The following FLNB variants were observed in gnomAD, a reference collection of about 807,000 sequenced individuals.
The protein encoded by FLNB is filamin B.
FLNB carries 111 observed loss-of-function variants against 250.6 expected under a neutral mutation model. The observed-to-expected ratio is 0.44, with a 90% CI of 0.38 to 0.52. The LOEUF (loss-of-function observed/expected upper bound fraction) is 0.52. FLNB is among the 20% of genes least tolerant of loss of function. FLNB has a pLI of 0.00. For missense variants in FLNB, 2,869 were observed against 3,447.8 expected, an observed-to-expected ratio of 0.83 and a Z score of 4.20; for synonymous variants, 1,302 against 1,372.1, an observed-to-expected ratio of 0.95 and a Z score of 1.13.
At chr3:58,011,202 G>T (rs839245) in intron 1 of FLNB, among the ~76,000 whole-genome samples, 1 of 151,894 alleles carries the variant, frequency 6.6e-6, no homozygotes, top group African/African-American at 2.4e-5. Flanking sequence ...CTGAGCCACC[G>T]CGCCCAGCCC....
intron 18 of FLNB, among the ~76,000 whole-genome samples, chr3:58,116,872 A>G (rs1356767941): frequency 1.3e-5 from 2 of 152,090 alleles, no homozygotes; most frequent in Non-Finnish European, 2.9e-5. Flanking sequence ...GGACCACTCC[A>G]TGTAGTACTC....
chr3:58,022,052 C>A (rs1276724299), intron 1 of FLNB, among the ~76,000 whole-genome samples: 1 of 152,156 alleles, frequency 6.6e-6, no homozygotes, highest in African/African-American at 2.4e-5. Flanking sequence ...GGATTACAGG[C>A]ATGAGCCACC....
chr3:58,013,131 A>G (rs944852544), intron 1 of FLNB, among the ~76,000 whole-genome samples: 1 of 152,126 alleles, frequency 6.6e-6, no homozygotes, highest in African/African-American at 2.4e-5. Context: ...TTTTCCAAAA[A>G]CCTTTCTGAC....
chr3:58,068,768 G>T (rs779467375), intron 1 of FLNB, among the ~76,000 whole-genome samples: 8 of 151,968 alleles, frequency 5.3e-5, no homozygotes, highest in Non-Finnish European at 7.4e-5. Flanking sequence ...GCTCTTCACA[G>T]GCTGCTGCTG....
At chr3:58,048,473 G>A (rs942436182) in intron 1 of FLNB, among the ~76,000 whole-genome samples, 2 of 152,208 alleles carry the variant, frequency 1.3e-5, no homozygotes, top group Non-Finnish European at 2.9e-5. Context: ...TTAAATTCAA[G>A]TTGAATATTT....
rs557563288 is a variant in FLNB, at chr3:58,157,829, G to C, written c.6889-1725G>C. Among the ~76,000 whole-genome samples the C allele has an allele frequency of 3.9e-5, 6 of 152,360 alleles. No individual in the cohort carries two copies. The South Asian group carries it at 1.2e-3, about 32-fold the overall frequency. On this transcript the variant is annotated intron_variant, in intron 41 of 45. Transcript: ENST00000295956. Reference sequence around the variant, plus strand: ...ATCCCCTCCAGGAAACTTCTGTAGAGTGCTCTCGTCATAGCTGGGTCATAA... The same window carrying C: ...ATCCCCTCCAGGAAACTTCTGTAGACTGCTCTCGTCATAGCTGGGTCATAA...
In FLNB at chr3:58,105,196, G is replaced by T; in HGVS notation, c.1727G>T (p.Gly576Val). ...RSADFVVESI[G>V]SEVGSLGFAI... ...GCGGACTTCGTGGTAGAATCCATTG[G>T]CTCTGAAGTGGGGTCTCTGGGTAAG... Residue 576 changes from glycine to valine, a missense_variant, in exon 11 of 46, where the codon GGC becomes GTC. Coordinates refer to ENST00000295956, the MANE Select transcript of FLNB (RefSeq NM_001457.4). The T allele has an allele frequency of 6.2e-7, 1 of 1,614,222 alleles. No individual in the cohort carries two copies. The highest frequency in any genetic ancestry group is 8.5e-7 in the Non-Finnish European group (1 of 1,180,034).
chr3:58,106,352 C>CTATATATATA (rs10540627), intron 11 of FLNB, among the ~76,000 whole-genome samples: 1,587 of 132,892 alleles, frequency 0.012, 38 homozygotes, highest in Non-Finnish European at 0.015. Context: ...GTATTTAATA[C>CTATATATATA]TATATATATA....
chr3:58,153,469 C>A lies in FLNB; in HGVS notation c.6462C>A (p.Cys2154Ter), dbSNP rs368087129. The A allele has an allele frequency of 1.2e-6, 2 of 1,614,256 alleles. No individual in the cohort carries two copies. Among genetic ancestry groups the A allele is most frequent in the South Asian group, 2.2e-5 (2 of 91,090 alleles). Residue 2154 changes from cysteine (C) to a stop codon, truncating the protein, a stop_gained, in exon 39 of 46, where the codon TGC (cysteine) becomes TGA (stop). Transcript: ENST00000295956. LOFTEE classifies it high-confidence loss of function. The part of the protein sequence containing the change: ...EIVPMGKNSH[C>*]VRFVPQEMGV... ...TGCCCATGGGGAAGAACTCACACTG[C>A]GTCCGGTTTGTGCCCCAGGAGATGG...
chr3:58,148,969 A>G (rs193170627), intron 36 of FLNB, 117 bp downstream of exon 36: 405 of 917,872 alleles, frequency 4.4e-4, no homozygotes, highest in Non-Finnish European at 5.9e-4. Flanking sequence ...CCTTCAAGCT[A>G]TAGGTCCTTC....
At chr3:58,129,842 G>A (rs540592455) in intron 24 of FLNB, among the ~76,000 whole-genome samples, 15 of 152,332 alleles carry the variant, frequency 9.8e-5, no homozygotes, top group South Asian at 4.1e-4. Flanking sequence ...GCATGCTGCC[G>A]TTCGCTGGAT....
At chr3:58,120,166 G>T (rs769864851) in intron 19 of FLNB, among the ~76,000 whole-genome samples, 3 of 152,194 alleles carry the variant, frequency 2.0e-5, no homozygotes, top group Non-Finnish European at 4.4e-5. Flanking sequence ...TGCAAGCAAG[G>T]CCAGCTCCCA....
At position 58,149,996 on chromosome 3, in the gene FLNB, G is replaced by A. The variant is rs750044444; in HGVS notation, c.6238G>A (p.Val2080Met). The A allele has an allele frequency of 1.1e-5, 17 of 1,614,270 alleles. No homozygotes were observed. Among genetic ancestry groups the A allele is most frequent in the East Asian group, 2.2e-5 (1 of 44,892 alleles). ...CTCCACCAAATTCGCTGACGAGCAC[G>A]TGCCTGGTATGTGCATTCCATTCCC... ...IVSTKFADEHVPGSPFTVKIS... is the reference protein window; with the variant it reads ...IVSTKFADEHMPGSPFTVKIS... Residue 2080 changes from valine (V) to methionine (M), a missense_variant, in exon 37 of 46, where the codon GTG (valine) becomes ATG (methionine). Transcript: ENST00000295956.
intron 8 of FLNB, among the ~76,000 whole-genome samples, chr3:58,099,915 A>G (rs368895372): frequency 1.7e-4 from 26 of 152,282 alleles, no homozygotes; most frequent in African/African-American, 6.3e-4. Context: ...GCTTTTTTAG[A>G]TGGTGAAGGA....
chr3:58,125,330 G>T (rs922526993), intron 22 of FLNB, among the ~76,000 whole-genome samples: 8 of 151,852 alleles, frequency 5.3e-5, no homozygotes. Flanking sequence ...ATGGGGTCTC[G>T]CCATGTTGCC....
Position 58,130,777 on chromosome 3 carries a change from A to G in FLNB, c.4259A>G (p.Asp1420Gly). Residue 1420 changes from aspartate to glycine, a missense_variant, in exon 25 of 46, where the codon GAC (aspartate) becomes GGC (glycine). Asp to Gly is a moderately conservative substitution (Grantham distance 94). Around this residue, in one of 5 missense-constraint regions of FLNB, gnomAD observed 1,348 missense variants for 1,466.7 expected, o/e 0.92. Coordinates refer to ENST00000295956, the MANE Select transcript of FLNB (RefSeq NM_001457.4). ...PFRVPVKDVV[D>G]PSKVKIAGPG... ...AGGGTTCCTGTGAAGGATGTTGTGG[A>G]CCCCAGCAAGGTCAAGATTGCCGGC... 7 of 1,613,808 alleles carry G rather than the reference A, an allele frequency of 4.3e-6. No homozygotes were observed. The highest frequency in any genetic ancestry group is 5.9e-6 in the Non-Finnish European group (7 of 1,179,918).
intron 9 of FLNB, 29 bp from the exon 10 acceptor site, chr3:58,103,930 T>G: frequency 6.2e-7 from 1 of 1,613,794 alleles, no homozygotes; most frequent in Non-Finnish European, 8.5e-7. Flanking sequence ...AGGATTGTGT[T>G]GGAAAGATTA....
At chr3:58,066,210 TTTTTTTC>T (rs1388150892) in intron 1 of FLNB, among the ~76,000 whole-genome samples, 12 of 145,686 alleles carry the variant, frequency 8.2e-5, no homozygotes, top group African/African-American at 2.2e-4. Flanking sequence ...TTCTTTTTTC[TTTTTTTC>T]TTTTTTTTTT....
intron 42 of FLNB, 122 bp from the exon 43 acceptor site, chr3:58,163,032 C>A: frequency 1.0e-6 from 1 of 968,604 alleles, no homozygotes. Context: ...GAGTGCCAGG[C>A]TCCCTGTAGA....
Sources: allele counts gnomAD v4.1 joint callset (sites outside exome capture counted in the v4.1 genomes callset), GRCh38; gene constraint gnomAD v4.1.1; regional missense constraint gnomAD v4.1.1; transcripts MANE v1.5; gene names NCBI Gene and HGNC (gene_info 2026-07-23, HGNC 2026-07-21).